RYR1: variants seen among roughly 807,000 people sequenced by gnomAD.
RYR1 encodes central core disease of muscle.
Under a neutral mutation model 583.5 loss-of-function variants are expected in RYR1, and 342 were observed. That is an observed-to-expected ratio of 0.59 (90% CI 0.54 to 0.64). The LOEUF (loss-of-function observed/expected upper bound fraction) is 0.64, where lower values mean the gene tolerates loss of function less well. Ranked by LOEUF, RYR1 falls within the 30% of genes least tolerant of loss-of-function variation. RYR1 has a pLI of 0.00. For missense variants in RYR1, 6,032 were observed against 6,917.2 expected, an observed-to-expected ratio of 0.87 and a Z score of 4.54; for synonymous variants, 2,791 against 2,822.5, an observed-to-expected ratio of 0.99 and a Z score of 0.35.
chr19:38,471,869 T>C lies in RYR1; in HGVS notation c.3766-1508T>C, dbSNP rs1197363831. The stretch of plus-strand genomic sequence containing the variant: ...GTCAGCCAAGATTGCACCATTGCAC[T>C]CCAGCCTGGGTGACAGCGAGACTCT... On this transcript the variant is annotated intron_variant, in intron 27 of 105. Transcript: ENST00000359596. 3.8e-5 allele frequency among the ~76,000 whole-genome samples: 5 copies of C among 130,544 alleles called. No individual in the cohort carries two copies. The Admixed American group carries it at 4.5e-4, about 12-fold the overall frequency. The allele number at this position is 130,544 out of a possible 152,430, so 85.6% of individuals were successfully genotyped here.
intron 12 of RYR1, among the ~76,000 whole-genome samples, chr19:38,452,441 CAAT>C (rs1967125550): frequency 1.3e-5 from 2 of 151,904 alleles, no homozygotes; most frequent in Admixed American, 1.3e-4. Context: ...AAAATAATAA[CAAT>C]AATATACACA....
intron 71 of RYR1, among the ~76,000 whole-genome samples, chr19:38,525,773 G>A (rs549010080): frequency 1.4e-4 from 21 of 151,784 alleles, no homozygotes; most frequent in Non-Finnish European, 2.8e-4. Context: ...CCTGGGACCC[G>A]CATGAGGACT....
intron 89 of RYR1, among the ~76,000 whole-genome samples, chr19:38,555,384 G>A (rs1378826264): frequency 6.6e-6 from 1 of 150,484 alleles, no homozygotes. Context: ...TGAGGTCGCA[G>A]TGAGTCCTGA....
At chr19:38,493,133 G>A (rs531882546) in intron 38 of RYR1, among the ~76,000 whole-genome samples, 8 of 152,158 alleles carry the variant, frequency 5.3e-5, no homozygotes, top group Admixed American at 5.2e-4. Context: ...GCTGTAGAAC[G>A]TGTGTGTTGG....
At chr19:38,566,554 G>A (rs1419835309) in intron 91 of RYR1, among the ~76,000 whole-genome samples, 4 of 151,222 alleles carry the variant, frequency 2.6e-5, no homozygotes, top group South Asian at 2.1e-4. Flanking sequence ...GGAGATACTC[G>A]TTGTGGGAAT....
intron 42 of RYR1, among the ~76,000 whole-genome samples, chr19:38,498,751 C>CAT (rs773028453): frequency 7.2e-5 from 11 of 152,156 alleles, no homozygotes; most frequent in Non-Finnish European, 1.5e-4. Context: ...GTGAGGATGA[C>CAT]CAGAGGTCAC....
chr19:38,446,787 G>A lies in RYR1; in HGVS notation c.800+19G>A, dbSNP rs756182093. 5.0e-6 allele frequency: 8 copies of A among 1,607,396 alleles called. No individual in the cohort carries two copies. The South Asian group carries it at 7.7e-5, about 15-fold the overall frequency. On this transcript the variant is annotated intron_variant, in intron 9 of 105. Transcript: ENST00000359596. ...GAATCAGGTAGGGCGGGGAAGATGG[G>A]GAGAGACCAGGGAGAGGCTGGGGTC...
chr19:38,450,791 C>A (rs7255958), intron 11 of RYR1, among the ~76,000 whole-genome samples: 95,802 of 151,194 alleles, frequency 0.63, 30,869 homozygotes, highest in Middle Eastern at 0.71. Flanking sequence ...AAATAAATAA[C>A]TAAATAAAGG....
chr19:38,481,019 G>T (rs1457126668), intron 31 of RYR1, among the ~76,000 whole-genome samples: 2 of 151,904 alleles, frequency 1.3e-5, no homozygotes, highest in African/African-American at 4.8e-5. Flanking sequence ...GAGGCAGCAT[G>T]CTCAACCTTA....
intron 84 of RYR1, among the ~76,000 whole-genome samples, chr19:38,538,894 C>CA (rs888172490): frequency 6.6e-6 from 1 of 152,122 alleles, no homozygotes; most frequent in Non-Finnish European, 1.5e-5. Context: ...AAATTCTGCA[C>CA]AAAAAACATT....
chr19:38,502,666 G>T lies in RYR1; in HGVS notation c.7774G>T (p.Gly2592Cys). ...GCATACCGTGTACCGCCTGTCTCGG[G>T]GTCGTTCGCTCACCAAGGCGCAGCG... is the stretch of plus-strand genomic sequence containing the variant. Reference protein sequence around the residue: ...MLHTVYRLSRGRSLTKAQRDV... With the variant: ...MLHTVYRLSRCRSLTKAQRDV... Residue 2592 changes from glycine to cysteine, a missense_variant, in exon 48 of 106, where the codon GGT becomes TGT. Physicochemically the swap from Gly to Cys is radical, Grantham distance 159. Around this residue, in one of 11 missense-constraint regions of RYR1, gnomAD observed 250 missense variants for 162.3 expected, o/e 1.54. Coordinates refer to ENST00000359596, the MANE Select transcript of RYR1 (RefSeq NM_000540.3). 3 of 1,610,938 alleles carry T rather than the reference G, an allele frequency of 1.9e-6. No individual in the cohort carries two copies. The highest frequency in any genetic ancestry group is 2.2e-5 in the South Asian group (2 of 91,012).
In RYR1 at chr19:38,565,370, G is replaced by A. The variant is rs1296263427; in HGVS notation, c.13036G>A (p.Ala4346Thr). 9.8e-6 allele frequency: 13 copies of A among 1,326,464 alleles called. No homozygotes were observed. The highest frequency in any genetic ancestry group is 2.8e-4 in the Middle Eastern group (1 of 3,542). The allele number at this position is 1,326,464 out of a possible 1,614,324, so 82.2% of individuals were successfully genotyped here. ...LWAAVTRAGA[A>T]GAGAAAGALG... ...GGCAGCAGTGACGCGCGCTGGGGCC[G>A]CTGGCGCGGGGGCGGCGGCGGGCGC... The change falls in exon 91 of 106, where the codon GCT becomes ACT. Residue 4346 changes from alanine (A) to threonine (T), a missense_variant. By Grantham distance (58) the Ala-to-Thr change is moderately conservative. Transcript: ENST00000359596. This position sits in a 1 kb window ranked among gnomAD's most constrained non-coding sequence, Gnocchi z 4.7.
intron 89 of RYR1, among the ~76,000 whole-genome samples, chr19:38,554,187 A>G (rs1379986349): frequency 4.0e-5 from 6 of 151,368 alleles, no homozygotes; most frequent in Non-Finnish European, 7.4e-5. Flanking sequence ...TGCTGGCTAT[A>G]ACAATTACTC....
rs184450380 is a variant in RYR1 at position 38,565,324 on chromosome 19, C to G, written c.12990C>G (p.Thr4330=). 6.8e-6 allele frequency: 8 copies of G among 1,175,766 alleles called. No individual in the cohort carries two copies. In the South Asian group the frequency reaches 2.5e-4, roughly 37 times the overall value. The allele number at this position is 1,175,766 out of a possible 1,614,324, so 72.8% of individuals were successfully genotyped here. A position where few individuals can be genotyped will look rare whatever the true frequency, so the allele number is the denominator to read the frequency against. Residue 4330 remains threonine (T), a synonymous_variant, in exon 91 of 106, where the codon ACC becomes ACG. Transcript: ENST00000359596. The surrounding 1 kb of genome is among the most constrained non-coding windows in gnomAD (Gnocchi z 4.7). ...GGCTTACGGCCCGCGAGGCGGCCAC[C>G]GCAGTGGCGGCGCTGCTCTGGGCAG... is the stretch of plus-strand genomic sequence containing the variant. ...LRRLTAREAA[T]AVAALLWAAV...
intron 90 of RYR1, 89 bp from the exon 91 acceptor site, chr19:38,564,870 G>A (rs1973315433): frequency 1.3e-6 from 2 of 1,526,984 alleles, no homozygotes; most frequent in African/African-American, 1.4e-5. Context: ...CGCCTGCCGC[G>A]GTGACCCCTT....
intron 35 of RYR1, among the ~76,000 whole-genome samples, 153 bp downstream of exon 35, chr19:38,489,596 T>C (rs968808169): frequency 3.3e-5 from 5 of 152,188 alleles, no homozygotes; most frequent in Admixed American, 6.5e-5. Flanking sequence ...AGATCTCTGT[T>C]TTCCATGGAG....
In RYR1 at chr19:38,502,751, TGGGGCAGGGGCAGGGGCAGGGGCA is replaced by T. The variant is rs71165552; in HGVS notation, c.7835+59_7836-71del. The stretch of plus-strand genomic sequence containing the variant: ...AGGTGGAGCGGGGCAGGCTTCAGGG[TGGGGCAGGGGCAGGGGCAGGGGCA>T]GGGGCAGGGGCAGGGGCAGGGGCAG... On this transcript the variant is annotated intron_variant, in intron 48 of 105. Transcript: ENST00000359596. The T allele has an allele frequency of 6.8e-4, 713 of 1,046,144 alleles. 3 individuals are homozygous for T. Among genetic ancestry groups the T allele is most frequent in the Admixed American group, 1.7e-3 (72 of 43,226 alleles). The allele number at this position is 1,046,144 out of a possible 1,614,324, so 64.8% of individuals were successfully genotyped here.
intron 21 of RYR1, 22 bp from the exon 22 acceptor site, chr19:38,463,725 G>A (rs936601950): frequency 8.1e-6 from 13 of 1,609,210 alleles, no homozygotes; most frequent in Non-Finnish European, 1.0e-5. Context: ...AGCACATGGA[G>A]TTGACCCTGG....
intron 89 of RYR1, among the ~76,000 whole-genome samples, chr19:38,552,144 G>T (rs1042964641): frequency 6.6e-6 from 1 of 151,620 alleles, no homozygotes; most frequent in African/African-American, 2.4e-5. Context: ...TTAGAGACGG[G>T]GTTTGACATG....
Sources: gnomAD v4.1 joint callset for allele counts (sites outside exome capture counted in the v4.1 genomes callset) on GRCh38, gnomAD v4.1.1 for gene constraint, gnomAD v4.1.1 regional missense constraint, Gnocchi (gnomAD v3.1) non-coding constraint, MANE v1.5 for transcripts, NCBI Gene and HGNC (gene_info 2026-07-23, HGNC 2026-07-21) for gene names.